The following UNC5D variants were observed in gnomAD, a reference collection of about 807,000 sequenced individuals.
The protein encoded by UNC5D is netrin receptor UNC5D.
In UNC5D, 39 loss-of-function variants were observed where a neutral mutation model predicts 105.4. That is an observed-to-expected ratio of 0.37 (90% CI 0.29 to 0.48). UNC5D has a LOEUF of 0.48. Ranked by LOEUF, UNC5D falls within the 20% of genes least tolerant of loss-of-function variation. UNC5D has a pLI of 0.98. For synonymous variants in UNC5D, 452 were observed against 450.4 expected, an observed-to-expected ratio of 1.00 and a Z score of -0.04; for missense variants, 991 against 1,202.4, an observed-to-expected ratio of 0.82 and a Z score of 2.60.
At chr8:35,518,180 GT>G (rs1353341632) in intron 1 of UNC5D, among the ~76,000 whole-genome samples, 8 of 152,072 alleles carry the variant, frequency 5.3e-5, no homozygotes, top group African/African-American at 1.4e-4. Flanking sequence ...AAGTAGCACT[GT>G]TTTTCATATC....
At chr8:35,387,455 A>G (rs896590759) in intron 1 of UNC5D, among the ~76,000 whole-genome samples, 5 of 151,738 alleles carry the variant, frequency 3.3e-5, no homozygotes, top group Non-Finnish European at 2.9e-5. Context: ...AGCAGTTTTC[A>G]TAGATAAACT....
At chr8:35,543,626 T>A (rs576485663) in intron 1 of UNC5D, among the ~76,000 whole-genome samples, 11 of 150,264 alleles carry the variant, frequency 7.3e-5, no homozygotes, top group African/African-American at 2.5e-4. Context: ...CACAGAAAAA[T>A]TCTTATTATT....
rs1554496128 is a variant in UNC5D, at chr8:35,256,963, T to TTG, written c.103+21077_103+21078insGT. Among the ~76,000 whole-genome samples the TTG allele has an allele frequency of 6.2e-3, 689 of 111,294 alleles. 2 individuals carry two copies. The highest frequency in any genetic ancestry group is 0.018 in the East Asian group (45 of 2,472). 73.0% of individuals were successfully genotyped at this position (111,294 alleles called of 152,430 possible). On this transcript the variant is annotated intron_variant, in intron 1 of 16. Coordinates refer to ENST00000404895, the MANE Select transcript of UNC5D (RefSeq NM_080872.4). Reference sequence around the variant, plus strand: ...TGGCTCTCCTGCTCTTTTTTTGTTTTTTTTTTTTTTTTGTTTTTTGTTTTT... The same window carrying TTG: ...TGGCTCTCCTGCTCTTTTTTTGTTTTTGTTTTTTTTTTTTGTTTTTTGTTTTT...
At chr8:35,404,837 G>A (rs1804699412) in intron 1 of UNC5D, among the ~76,000 whole-genome samples, 1 of 152,010 alleles carries the variant, frequency 6.6e-6, no homozygotes, top group Non-Finnish European at 1.5e-5. Flanking sequence ...TGATACCCTG[G>A]CCTCGGCCTC....
intron 7 of UNC5D, among the ~76,000 whole-genome samples, chr8:35,702,753 A>C (rs887381793): frequency 6.6e-6 from 1 of 152,182 alleles, no homozygotes; most frequent in African/African-American, 2.4e-5. Flanking sequence ...ATTCCTGTCA[A>C]GGTACTGTTG....
At chr8:35,415,646 C>T (rs888922704) in intron 1 of UNC5D, among the ~76,000 whole-genome samples, 1 of 152,096 alleles carries the variant, frequency 6.6e-6, no homozygotes, top group African/African-American at 2.4e-5. Context: ...AGGAATTGTC[C>T]AGGCAGCTAC....
chr8:35,264,422 C>G (rs1201022494), intron 1 of UNC5D, among the ~76,000 whole-genome samples: 1 of 152,186 alleles, frequency 6.6e-6, no homozygotes, highest in Non-Finnish European at 1.5e-5. Context: ...CTTTGGCCAA[C>G]ATCTTTTAAT....
At chr8:35,536,427 T>G (rs370922222) in intron 1 of UNC5D, among the ~76,000 whole-genome samples, 1 of 152,358 alleles carries the variant, frequency 6.6e-6, no homozygotes, top group East Asian at 1.9e-4. Flanking sequence ...AGGACTTTGT[T>G]GTAAAAAGAA....
chr8:35,326,503 G>A (rs940358284), intron 1 of UNC5D, among the ~76,000 whole-genome samples: 7 of 152,162 alleles, frequency 4.6e-5, no homozygotes, highest in East Asian at 1.9e-4. Flanking sequence ...GCCTGTCATC[G>A]CAGCGCTTTG....
intron 4 of UNC5D, among the ~76,000 whole-genome samples, chr8:35,671,565 C>T (rs1002275403): frequency 2.0e-5 from 3 of 152,136 alleles, no homozygotes; most frequent in South Asian, 4.1e-4. Flanking sequence ...GCACAAGAGG[C>T]GATGTGAATT....
chr8:35,396,496 CTT>C (rs754696276), intron 1 of UNC5D, among the ~76,000 whole-genome samples: 6 of 144,274 alleles, frequency 4.2e-5, no homozygotes, highest in Middle Eastern at 3.8e-3. Flanking sequence ...CTTTTATTTT[CTT>C]TTTTTTTTTT....
chr8:35,615,685 A>G (rs1005499743), intron 4 of UNC5D, among the ~76,000 whole-genome samples: 2 of 151,940 alleles, frequency 1.3e-5, no homozygotes, highest in African/African-American at 4.8e-5. Context: ...TTTCTCTTAT[A>G]TTTAATTTTT....
intron 4 of UNC5D, among the ~76,000 whole-genome samples, chr8:35,664,682 T>A (rs1018028601): frequency 6.6e-6 from 1 of 152,020 alleles, no homozygotes; most frequent in South Asian, 2.1e-4. Context: ...CCTGGCCTAA[T>A]GATTGGTTCT....
At chr8:35,691,702 C>T (rs1357566770) in intron 7 of UNC5D, among the ~76,000 whole-genome samples, 1 of 152,120 alleles carries the variant, frequency 6.6e-6, no homozygotes, top group East Asian at 1.9e-4. Flanking sequence ...GCTTGAACAC[C>T]AGAATCAGGT....
intron 1 of UNC5D, among the ~76,000 whole-genome samples, chr8:35,367,532 G>A (rs971953088): frequency 6.6e-6 from 1 of 151,902 alleles, no homozygotes; most frequent in Non-Finnish European, 1.5e-5. Context: ...AGGAGGAAGA[G>A]CATTTGTAAT....
chr8:35,244,169 T>A (rs1052430744), intron 1 of UNC5D, among the ~76,000 whole-genome samples: 9 of 152,184 alleles, frequency 5.9e-5, no homozygotes, highest in Non-Finnish European at 1.2e-4. Context: ...ATTGAACAGA[T>A]GATGAAATTA....
intron 1 of UNC5D, among the ~76,000 whole-genome samples, chr8:35,466,699 A>G (rs537772937): frequency 5.9e-5 from 9 of 152,330 alleles, no homozygotes; most frequent in Non-Finnish European, 1.0e-4. Flanking sequence ...TGTATTTGCC[A>G]TCATAATTTA....
In UNC5D at chr8:35,575,644, A is replaced by G. The variant is rs1818040467; in HGVS notation, c.466+7403A>G. On this transcript the variant is annotated intron_variant, in intron 3 of 16. Coordinates refer to ENST00000404895, the MANE Select transcript of UNC5D (RefSeq NM_080872.4). ...ATATATTCCCATGGCATGGAACATA[A>G]TATTAAGACCGATGCTCAACACTTG... Among the ~76,000 whole-genome samples the G allele has an allele frequency of 2.0e-5, 3 of 152,204 alleles. No homozygotes were observed. In the South Asian group the frequency reaches 6.2e-4, roughly 31 times the overall value.
At chr8:35,699,525 A>G (rs1329649172) in intron 7 of UNC5D, among the ~76,000 whole-genome samples, 2 of 152,176 alleles carry the variant, frequency 1.3e-5, no homozygotes, top group African/African-American at 4.8e-5. Context: ...TGATTTTGCC[A>G]TTCAGCCCTG....
Sources: gnomAD v4.1 joint callset for allele counts (sites outside exome capture counted in the v4.1 genomes callset) on GRCh38, gnomAD v4.1.1 for gene constraint, MANE v1.5 for transcripts, NCBI Gene and HGNC (gene_info 2026-07-23, HGNC 2026-07-21) for gene names.